The following TDRD9 variants were observed in gnomAD, a reference collection of about 807,000 sequenced individuals.
The protein encoded by TDRD9 is tudor domain containing 9.
TDRD9 carries 124 observed loss-of-function variants against 172.6 expected under a neutral mutation model. The ratio of observed to expected loss-of-function variants is 0.72; its 90% confidence interval spans 0.62 to 0.83. The LOEUF (loss-of-function observed/expected upper bound fraction) is 0.83. TDRD9 is among the 40% of genes least tolerant of loss of function. The probability of loss-of-function intolerance (pLI) is 0.00; values close to 1 mark genes in which losing one functional copy is unlikely to be tolerated. For missense variants in TDRD9, 1,479 were observed against 1,714.1 expected (o/e 0.86, Z 2.42); for synonymous variants, 619 against 617.1 (o/e 1.00, Z -0.05).
chr14:104,007,539 G>C (rs951087983), intron 19 of TDRD9, among the ~76,000 whole-genome samples: 1 of 152,060 alleles, frequency 6.6e-6, no homozygotes, highest in African/African-American at 2.4e-5. Flanking sequence ...GGTTGGACGT[G>C]TCAGTTCAAA....
At chr14:103,947,858 A>G (rs962446002) in intron 1 of TDRD9, among the ~76,000 whole-genome samples, 1 of 152,262 alleles carries the variant, frequency 6.6e-6, no homozygotes, top group Non-Finnish European at 1.5e-5. Context: ...CAACAAAAGA[A>G]GAAAGACAAA....
intron 18 of TDRD9, 86 bp from the exon 19 acceptor site, chr14:104,007,073 TA>T: frequency 7.6e-7 from 1 of 1,314,990 alleles, no homozygotes; most frequent in Non-Finnish European, 1.1e-6. Context: ...TTTTATGTTG[TA>T]AATTTTCAGG....
intron 33 of TDRD9, among the ~76,000 whole-genome samples, chr14:104,041,106 G>T (rs1010758926): frequency 1.7e-4 from 26 of 152,286 alleles, no homozygotes; most frequent in African/African-American, 5.8e-4. Flanking sequence ...ACACTGAAGG[G>T]CCGGGGGAAA....
chr14:103,979,113 T>C (rs1224919234), intron 7 of TDRD9, among the ~76,000 whole-genome samples: 1 of 152,226 alleles, frequency 6.6e-6, no homozygotes, highest in Non-Finnish European at 1.5e-5. Flanking sequence ...TAAACTGTTT[T>C]TTAGCTTCCA....
At chr14:103,986,942 T>C (rs1486603411) in intron 8 of TDRD9, among the ~76,000 whole-genome samples, 1 of 152,114 alleles carries the variant, frequency 6.6e-6, no homozygotes, top group Admixed American at 6.6e-5. Context: ...GGTGAAACCC[T>C]GTCTCTACTA....
chr14:103,941,479 T>A (rs1018278829), intron 1 of TDRD9: 25 of 1,535,276 alleles, frequency 1.6e-5, no homozygotes, highest in Admixed American at 2.0e-5. Context: ...ACTGGGATAG[T>A]TGTGTGGGGA....
chr14:103,932,947 G>C (rs547890255), intron 1 of TDRD9, among the ~76,000 whole-genome samples: 1 of 152,080 alleles, frequency 6.6e-6, no homozygotes, highest in South Asian at 2.1e-4. Context: ...AGGTAGTTCA[G>C]ACAAGAATTG....
chr14:104,050,566 G>C (rs1176476149), intron 35 of TDRD9, among the ~76,000 whole-genome samples: 1 of 152,192 alleles, frequency 6.6e-6, no homozygotes. Flanking sequence ...CCCCTTTGAC[G>C]ATCTAAGTGA....
chr14:103,935,890 A>G (rs775266680), intron 1 of TDRD9, among the ~76,000 whole-genome samples: 1 of 152,152 alleles, frequency 6.6e-6, no homozygotes, highest in Non-Finnish European at 1.5e-5. Flanking sequence ...TTATCAGGGA[A>G]TCTCCACCTC....
chr14:104,003,043 G>C (rs1405027881), intron 13 of TDRD9, among the ~76,000 whole-genome samples: 1 of 151,674 alleles, frequency 6.6e-6, no homozygotes, highest in Non-Finnish European at 1.5e-5. Context: ...TTTCCCTTTT[G>C]GTCAACCTGT....
intron 1 of TDRD9, among the ~76,000 whole-genome samples, chr14:103,934,975 A>T (rs1232619340): frequency 1.3e-5 from 2 of 152,212 alleles, no homozygotes; most frequent in African/African-American, 4.8e-5. Context: ...AAAGCAGTTG[A>T]TGCTCCTTGA....
At position 104,025,736 on chromosome 14, in the gene TDRD9, T is replaced by C. The variant is rs1379384068; in HGVS notation, c.2891T>C (p.Phe964Ser). 1 of 1,614,024 alleles carries C rather than the reference T, an allele frequency of 6.2e-7. No homozygotes were observed. Among genetic ancestry groups the C allele is most frequent in the South Asian group, 1.1e-5 (1 of 91,082 alleles). Residue 964 changes from phenylalanine (F) to serine (S), a missense_variant, in exon 26 of 36, where the codon TTT becomes TCT. Physicochemically the swap from Phe to Ser is radical, Grantham distance 155 (BLOSUM62 -2). This residue lies in a region of TDRD9 where 1,413 missense variants were observed against 1,649.1 expected (regional missense o/e 0.86). Coordinates refer to ENST00000409874, the MANE Select transcript of TDRD9 (RefSeq NM_153046.3). ...GCTGATTTTGATAAACAACGCTACT[T>C]TAGAGCTCAAGTCCTTTATGTTTCT... ...PFADFDKQRY[F>S]RAQVLYVSGN...
chr14:104,009,163 A>T (rs1214117861), intron 20 of TDRD9, among the ~76,000 whole-genome samples: 1 of 152,220 alleles, frequency 6.6e-6, no homozygotes, highest in Non-Finnish European at 1.5e-5. Context: ...CACTGTAGGC[A>T]ATTACAACAA....
chr14:104,008,966 A>G (rs1404019963), intron 20 of TDRD9, among the ~76,000 whole-genome samples: 3 of 152,214 alleles, frequency 2.0e-5, no homozygotes, highest in East Asian at 1.9e-4. Context: ...CACTAATACA[A>G]TCTTACATTG....
chr14:103,976,092 C>T (rs192582123), intron 7 of TDRD9, among the ~76,000 whole-genome samples: 6 of 152,260 alleles, frequency 3.9e-5, no homozygotes, highest in African/African-American at 1.4e-4. Context: ...TCCGTGAGAT[C>T]AGCCTTCTTA....
intron 1 of TDRD9, among the ~76,000 whole-genome samples, chr14:103,952,190 GTATATA>G (rs1566734586): frequency 0.021 from 1,140 of 55,474 alleles, 35 homozygotes; most frequent in African/African-American, 0.049. Context: ...GCGTGTGTGT[GTATATA>G]TATATATATA....
Position 103,965,498 on chromosome 14 carries a change from G to T in TDRD9, c.586G>T (p.Ala196Ser). The T allele has an allele frequency of 1.3e-6, 2 of 1,551,538 alleles. No homozygotes were observed. The highest frequency in any genetic ancestry group is 1.2e-5 in the South Asian group (1 of 84,048). ...CCGGAAGATAGGGGCAAGCAGCATC[G>T]CCAGGTGGATCAGTAAAGAGCGTGC... is the stretch of plus-strand genomic sequence containing the variant. ...QPRKIGASSIARWISKERAWT... is the reference protein window; with the variant it reads ...QPRKIGASSISRWISKERAWT... Residue 196 changes from alanine to serine, a missense_variant, in exon 4 of 36, where the codon GCC becomes TCC. Transcript: ENST00000409874.
chr14:103,964,994 T>A (rs567644488), intron 3 of TDRD9, among the ~76,000 whole-genome samples: 1 of 152,028 alleles, frequency 6.6e-6, no homozygotes, highest in South Asian at 2.1e-4. Context: ...GATCACTTGA[T>A]GTCAGGAGTT....
At chr14:104,049,723 A>G in intron 35 of TDRD9, 43 bp downstream of exon 35, 1 of 1,498,256 alleles carries the variant, frequency 6.7e-7, no homozygotes, top group Non-Finnish European at 9.1e-7. Context: ...GGCCACGTGG[A>G]GGAGGGGACA....
Sources: gnomAD v4.1 joint callset for allele counts (sites outside exome capture counted in the v4.1 genomes callset) on GRCh38, gnomAD v4.1.1 for gene constraint, gnomAD v4.1.1 regional missense constraint, MANE v1.5 for transcripts, NCBI Gene and HGNC (gene_info 2026-07-23, HGNC 2026-07-21) for gene names.